The following C10orf90 variants were observed in gnomAD, a reference collection of about 807,000 sequenced individuals.
C10orf90 encodes the protein (E2-independent) E3 ubiquitin-conjugating enzyme FATS.
C10orf90 carries 56 observed loss-of-function variants against 62.5 expected under a neutral mutation model. That is an observed-to-expected ratio of 0.90 (90% confidence interval 0.72 to 1.12). C10orf90 has a LOEUF of 1.12. C10orf90 is among the 50% of genes most tolerant of loss of function. The pLI, the probability that C10orf90 is intolerant of heterozygous loss-of-function variation, is 0.00. For synonymous variants in C10orf90, 386 were observed against 340.4 expected (o/e 1.13, Z -1.47); for missense variants, 970 against 880.4 (o/e 1.10, Z -1.29).
intron 1 of C10orf90, among the ~76,000 whole-genome samples, chr10:126,649,178 T>G (rs12415956): frequency 0.092 from 13,895 of 151,166 alleles, 658 homozygotes; most frequent in South Asian, 0.15. Flanking sequence ...ACAGGCTATG[T>G]GCACTATTGA....
chr10:126,565,409 ATATATAT>A (rs1844356629), intron 2 of C10orf90, among the ~76,000 whole-genome samples: 1 of 13,842 alleles, frequency 7.2e-5, no homozygotes, highest in Non-Finnish European at 1.9e-4. Context: ...ATTATATATA[ATATATAT>A]TATATATATT....
At chr10:126,668,059 A>G (rs1246976316) in intron 1 of C10orf90, among the ~76,000 whole-genome samples, 4 of 152,132 alleles carry the variant, frequency 2.6e-5, no homozygotes. Flanking sequence ...TCAGCTGGTG[A>G]GAGGTGGCTT....
At chr10:126,550,816 T>C (rs1405799619) in intron 2 of C10orf90, among the ~76,000 whole-genome samples, 1 of 152,198 alleles carries the variant, frequency 6.6e-6, no homozygotes, top group Admixed American at 6.5e-5. Flanking sequence ...GACCTCTTTC[T>C]GTATTATTTC....
rs879142929 is a variant in C10orf90 at position 126,639,023 on chromosome 10, G to A, written c.313+7542C>T. Among the ~76,000 whole-genome samples the A allele has an allele frequency of 4.6e-5, 7 of 152,202 alleles. 1 individual carries two copies. Among genetic ancestry groups the A allele is most frequent in the Admixed American group, 3.9e-4 (6 of 15,276 alleles). Reference sequence around the variant, plus strand: ...TACGCTGAGTAACTCTTAGACATGCGGGAATGACAATCACTTGGATGAGCA... The same window carrying A: ...TACGCTGAGTAACTCTTAGACATGCAGGAATGACAATCACTTGGATGAGCA... On this transcript the variant is annotated intron_variant, in intron 2 of 9. Transcript: ENST00000488181.
intron 2 of C10orf90, among the ~76,000 whole-genome samples, chr10:126,611,267 T>C (rs1422877262): frequency 3.3e-5 from 5 of 152,214 alleles, no homozygotes; most frequent in African/African-American, 1.2e-4. Context: ...AGTGTCGGAC[T>C]TCTTTCCTTC....
At chr10:126,661,176 G>C (rs2133871339) in intron 1 of C10orf90, among the ~76,000 whole-genome samples, 1 of 152,254 alleles carries the variant, frequency 6.6e-6, no homozygotes, top group South Asian at 2.1e-4. Context: ...CAATTTGCCT[G>C]CACCCAGGGG....
intron 7 of C10orf90, among the ~76,000 whole-genome samples, chr10:126,455,366 C>T (rs1472253352): frequency 6.6e-6 from 1 of 152,190 alleles, no homozygotes; most frequent in African/African-American, 2.4e-5. Context: ...TGGGAACGTT[C>T]CTCCCCAGGG....
intron 2 of C10orf90, among the ~76,000 whole-genome samples, chr10:126,524,113 T>C (rs796363014): frequency 7.2e-5 from 11 of 152,342 alleles, no homozygotes; most frequent in African/African-American, 2.4e-4. Context: ...CTTGATCTTA[T>C]TATATAATAT....
intron 4 of C10orf90, among the ~76,000 whole-genome samples, chr10:126,492,373 G>A (rs1310992162): frequency 6.6e-6 from 1 of 152,160 alleles, no homozygotes; most frequent in South Asian, 2.1e-4. Flanking sequence ...ATAGCACCCA[G>A]GTCAAGAAAC....
At chr10:126,552,973 A>T (rs1864672192) in intron 2 of C10orf90, among the ~76,000 whole-genome samples, 1 of 152,222 alleles carries the variant, frequency 6.6e-6, no homozygotes. Flanking sequence ...TGGGGGAAAA[A>T]AATGAACCTC....
At chr10:126,666,794 T>C (rs1314460651) in intron 1 of C10orf90, among the ~76,000 whole-genome samples, 2 of 151,764 alleles carry the variant, frequency 1.3e-5, no homozygotes, top group Non-Finnish European at 2.9e-5. Flanking sequence ...CTGGCCAATA[T>C]GGTAAAACCC....
In C10orf90 at chr10:126,629,223, T is replaced by C. The variant is rs1418050891; in HGVS notation, c.313+17342A>G. Among the ~76,000 whole-genome samples the C allele has an allele frequency of 2.6e-5, 4 of 152,312 alleles. No individual in the cohort carries two copies. In the East Asian group the frequency reaches 5.8e-4, roughly 22 times the overall value. On this transcript the variant is annotated intron_variant, in intron 2 of 9. Coordinates refer to ENST00000488181, the MANE Select transcript of C10orf90 (RefSeq NM_001350921.2). ...CACTGACCTCTTCCTGCATTAATTG[T>C]GAAGGGTAAAAACTTTTATGACGAC...
At chr10:126,541,866 T>G (rs1414175642) in intron 2 of C10orf90, among the ~76,000 whole-genome samples, 1 of 152,194 alleles carries the variant, frequency 6.6e-6, no homozygotes, top group Non-Finnish European at 1.5e-5. Flanking sequence ...GGGTACATAC[T>G]TTCACAAAGT....
chr10:126,601,966 A>G (rs929668521), intron 2 of C10orf90, among the ~76,000 whole-genome samples: 1 of 152,246 alleles, frequency 6.6e-6, no homozygotes, highest in African/African-American at 2.4e-5. Context: ...TGTCCTAAAG[A>G]TGAATAAACA....
intron 4 of C10orf90, among the ~76,000 whole-genome samples, chr10:126,487,289 A>G (rs531910958): frequency 9.4e-4 from 143 of 152,124 alleles, no homozygotes; most frequent in Non-Finnish European, 1.9e-3. Flanking sequence ...AGGAATAAAG[A>G]CAAAATCCAT....
chr10:126,589,437 T>C (rs1222701757), intron 2 of C10orf90, among the ~76,000 whole-genome samples: 1 of 151,986 alleles, frequency 6.6e-6, no homozygotes. Flanking sequence ...AAAGAAATAA[T>C]GTTAAAGGCA....
chr10:126,507,976 G>T (rs971818384), intron 3 of C10orf90, among the ~76,000 whole-genome samples: 1 of 151,482 alleles, frequency 6.6e-6, no homozygotes, highest in African/African-American at 2.4e-5. Flanking sequence ...AATTGTTCTT[G>T]TGTACCCCAC....
intron 4 of C10orf90, among the ~76,000 whole-genome samples, chr10:126,475,140 C>G (rs192020355): frequency 6.6e-6 from 1 of 152,130 alleles, no homozygotes; most frequent in South Asian, 2.1e-4. Context: ...GCTGAGAGAG[C>G]CCTGGAGAGT....
In C10orf90 at chr10:126,504,308, A is replaced by T. The variant is rs1186445757; in HGVS notation, c.1183T>A (p.Ser395Thr). The change falls in exon 4 of 10, where the codon TCC becomes ACC. Residue 395 changes from serine (S) to threonine (T), a missense_variant. By Grantham distance (58) the Ser-to-Thr change is moderately conservative. Transcript: ENST00000488181. The surrounding 1 kb of genome is among the most constrained non-coding windows in gnomAD (Gnocchi z 4.1). ...SVLSLNLNCS[S>T]HRLTADGVDG... ...ACTCCATCTGCTGTTAATCTGTGGG[A>T]ACTACAATTGAGGTTGAGCGACAGG... The T allele has an allele frequency of 6.2e-7, 1 of 1,614,118 alleles. No individual in the cohort carries two copies. Among genetic ancestry groups the T allele is most frequent in the Non-Finnish European group, 8.5e-7 (1 of 1,180,026 alleles).
Sources: allele counts gnomAD v4.1 joint callset (sites outside exome capture counted in the v4.1 genomes callset), GRCh38; gene constraint gnomAD v4.1.1; non-coding constraint Gnocchi (gnomAD v3.1); transcripts MANE v1.5; gene names NCBI Gene and HGNC (gene_info 2026-07-23, HGNC 2026-07-21).